ATXN7: variants seen among roughly 807,000 people sequenced by gnomAD.
ATXN7 encodes the protein ataxin 7.
In ATXN7, 12 loss-of-function variants were observed where a neutral mutation model predicts 70.5. The ratio of observed to expected loss-of-function variants is 0.17; its 90% CI spans 0.11 to 0.28. The LOEUF (loss-of-function observed/expected upper bound fraction) is 0.28. Ranked by LOEUF, ATXN7 falls within the 10% of genes least tolerant of loss-of-function variation. The pLI is 1.00. For missense variants in ATXN7, 1,256 were observed against 1,131.7 expected (o/e 1.11, Z -1.58); for synonymous variants, 498 against 448.7 (o/e 1.11, Z -1.39).
chr3:63,981,089 C>T (rs1489821654), intron 6 of ATXN7, among the ~76,000 whole-genome samples: 4 of 152,294 alleles, frequency 2.6e-5, no homozygotes, highest in South Asian at 4.1e-4. Context: ...TAGCACACAT[C>T]GTAGGTCCAA....
chr3:64,000,483 A>G lies in ATXN7; in HGVS notation c.*1016A>G, dbSNP rs2075821992. ...TATTAGATACACTTAAATGTTTCCA[A>G]GGCACTCTCTACATTACCCTTGTTT... On this transcript the variant is annotated 3_prime_UTR_variant, in exon 13 of 13. Coordinates refer to ENST00000674280, the MANE Select transcript of ATXN7 (RefSeq NM_001377405.1). 2 of 152,584 alleles carry G rather than the reference A, an allele frequency of 1.3e-5. No homozygotes were observed. Among genetic ancestry groups the G allele is most frequent in the East Asian group, 3.9e-4 (2 of 5,180 alleles). 9.5% of individuals were successfully genotyped at this position (152,584 alleles called of 1,614,324 possible). A position where few individuals can be genotyped will look rare whatever the true frequency, so the allele number is the denominator to read the frequency against.
At chr3:63,976,570 C>T (rs1575976010) in intron 5 of ATXN7, among the ~76,000 whole-genome samples, 1 of 152,158 alleles carries the variant, frequency 6.6e-6, no homozygotes, top group Non-Finnish European at 1.5e-5. Flanking sequence ...ACTTAAGAAG[C>T]TTTGAACCTT....
intron 1 of ATXN7, among the ~76,000 whole-genome samples, chr3:63,883,428 T>C (rs1319638730): frequency 6.6e-6 from 1 of 152,136 alleles, no homozygotes; most frequent in Non-Finnish European, 1.5e-5. Flanking sequence ...TTAACTCCAG[T>C]CTGGGCAATT....
chr3:63,968,891 A>C (rs572864051), intron 5 of ATXN7, among the ~76,000 whole-genome samples: 46 of 152,288 alleles, frequency 3.0e-4, no homozygotes, highest in African/African-American at 1.1e-3. Context: ...GTTTTAATTG[A>C]GGTTGAAATT....
intron 4 of ATXN7, among the ~76,000 whole-genome samples, chr3:63,915,692 T>A (rs1220656296): frequency 6.6e-6 from 1 of 151,902 alleles, no homozygotes; most frequent in Non-Finnish European, 1.5e-5. Flanking sequence ...ATTTATTTTT[T>A]TTTTTTTTTG....
chr3:63,990,538 CG>C, intron 10 of ATXN7, 164 bp downstream of exon 10: 1 of 1,134,214 alleles, frequency 8.8e-7, no homozygotes. Context: ...ACACTCTGTA[CG>C]GGGGACATCT....
intron 11 of ATXN7, among the ~76,000 whole-genome samples, chr3:63,994,855 G>C (rs2075730595): frequency 6.6e-6 from 1 of 152,188 alleles, no homozygotes; most frequent in African/African-American, 2.4e-5. Flanking sequence ...AATTTAGATG[G>C]TTTCCGCATC....
intron 1 of ATXN7, among the ~76,000 whole-genome samples, chr3:63,876,337 C>A (rs556573814): frequency 2.8e-4 from 43 of 152,212 alleles, no homozygotes; most frequent in African/African-American, 1.0e-3. Context: ...AGGCTCAATT[C>A]TCTGTGTCCT....
chr3:63,930,673 C>T (rs570494281), intron 4 of ATXN7, among the ~76,000 whole-genome samples: 269 of 152,142 alleles, frequency 1.8e-3, no homozygotes, highest in African/African-American at 5.0e-3. Flanking sequence ...GGACTACAGG[C>T]GCCCACGACC....
chr3:63,916,556 G>A (rs1436890580), intron 4 of ATXN7, among the ~76,000 whole-genome samples: 2 of 152,112 alleles, frequency 1.3e-5, no homozygotes, highest in African/African-American at 4.8e-5. Flanking sequence ...TTAATGCTGT[G>A]GCAGAAGGTT....
chr3:63,963,482 A>AT (rs1370736846), intron 5 of ATXN7, among the ~76,000 whole-genome samples: 1 of 152,164 alleles, frequency 6.6e-6, no homozygotes, highest in African/African-American at 2.4e-5. Flanking sequence ...TACATGCTGC[A>AT]TTCTTAGTAT....
At chr3:63,929,652 T>C (rs915911659) in intron 4 of ATXN7, among the ~76,000 whole-genome samples, 1 of 152,168 alleles carries the variant, frequency 6.6e-6, no homozygotes, top group Admixed American at 6.5e-5. Flanking sequence ...AGTAACTAAG[T>C]AGATTGATCT....
intron 12 of ATXN7, chr3:63,997,730 C>G: frequency 6.5e-7 from 1 of 1,546,968 alleles, no homozygotes; most frequent in Non-Finnish European, 8.7e-7. Flanking sequence ...TCCTCGTCTT[C>G]AGAACTTAAC....
rs1382103749 is a variant in ATXN7 at position 64,001,469 on chromosome 3, T to A, written c.*2002T>A. On this transcript the variant is annotated 3_prime_UTR_variant, in exon 13 of 13. Transcript: ENST00000674280. ...AGTGCAATGGGGTATGGGTAGAATT[T>A]ATTTTCAGAGCCAAGAGGACTTGAT... 7 of 152,204 alleles carry A rather than the reference T, an allele frequency of 4.6e-5. No homozygotes were observed. Among genetic ancestry groups the A allele is most frequent in the African/African-American group, 1.7e-4 (7 of 41,438 alleles). The allele number at this position is 152,204 out of a possible 1,614,324, so 9.4% of individuals were successfully genotyped here.
intron 11 of ATXN7, 151 bp downstream of exon 11, chr3:63,991,010 T>G: frequency 1.8e-6 from 2 of 1,130,552 alleles, no homozygotes; most frequent in South Asian, 3.0e-5. Context: ...ATTCATTCAT[T>G]CATTTACCCC....
At chr3:63,879,979 G>A (rs1333186962) in intron 1 of ATXN7, among the ~76,000 whole-genome samples, 2 of 151,818 alleles carry the variant, frequency 1.3e-5, no homozygotes, top group Non-Finnish European at 2.9e-5. Context: ...CCTGCTACTC[G>A]GGAGGCTGAG....
intron 12 of ATXN7, chr3:63,999,178 A>C: frequency 5.0e-6 from 2 of 398,240 alleles, no homozygotes; most frequent in Non-Finnish European, 9.3e-6. Flanking sequence ...AGGCAAACAT[A>C]AGAGCCTTTT....
intron 5 of ATXN7, among the ~76,000 whole-genome samples, chr3:63,974,991 A>G (rs2075369027): frequency 6.6e-6 from 1 of 152,196 alleles, no homozygotes; most frequent in Non-Finnish European, 1.5e-5. Flanking sequence ...TTGAGGGTGT[A>G]CATTTTGAAT....
At chr3:63,983,959 A>G (rs1260392815) in intron 8 of ATXN7, among the ~76,000 whole-genome samples, 2 of 152,184 alleles carry the variant, frequency 1.3e-5, no homozygotes, top group Admixed American at 1.3e-4. Context: ...ATTTTCTTCT[A>G]AAAATTAATA....
Sources: allele counts gnomAD v4.1 joint callset (sites outside exome capture counted in the v4.1 genomes callset), GRCh38; gene constraint gnomAD v4.1.1; transcripts MANE v1.5; gene names NCBI Gene and HGNC (gene_info 2026-07-23, HGNC 2026-07-21).